Variants in PLXNA2 observed in about 807,000 individuals in gnomAD.
PLXNA2 encodes the protein plexin A2.
PLXNA2 carries 91 observed loss-of-function variants against 193.5 expected under a neutral mutation model. The observed-to-expected ratio is 0.47, with a 90% CI of 0.40 to 0.56. The LOEUF is 0.56. PLXNA2 is among the 20% of genes least tolerant of loss of function. The pLI is 0.00. For synonymous variants in PLXNA2, 997 were observed against 1,027.3 expected (o/e 0.97, Z 0.56); for missense variants, 1,995 against 2,503.2 (o/e 0.80, Z 4.33).
chr1:208,185,022 C>T (rs570356032), intron 3 of PLXNA2, among the ~76,000 whole-genome samples: 2 of 152,328 alleles, frequency 1.3e-5, no homozygotes, highest in African/African-American at 2.4e-5. Context: ...GCACTCAGCC[C>T]TCCCATCAGC....
rs1672150996 is a variant in PLXNA2 at position 208,243,995 on chromosome 1, T to A, written c.-433A>T. 1 of 152,274 alleles carries A rather than the reference T, an allele frequency of 6.6e-6. No homozygotes were observed. The highest frequency in any genetic ancestry group is 6.5e-5 in the Admixed American group (1 of 15,288). The allele number at this position is 152,274 out of a possible 1,614,324, so 9.4% of individuals were successfully genotyped here. ...CCTGAGGAAGAAGCAGAGCCCCGGC[T>A]GTCTTCAGATTTTTCCAGCGCGACT... On this transcript the variant is annotated 5_prime_UTR_variant, in exon 1 of 32. Coordinates refer to ENST00000367033, the MANE Select transcript of PLXNA2 (RefSeq NM_025179.4).
intron 1 of PLXNA2, among the ~76,000 whole-genome samples, chr1:208,227,711 T>C (rs1349351794): frequency 6.6e-6 from 1 of 152,148 alleles, no homozygotes; most frequent in Non-Finnish European, 1.5e-5. Context: ...GGGTGTTTTG[T>C]GGCAGGAGCT....
At chr1:208,031,486 C>G (rs564601414) in intron 29 of PLXNA2, 104 bp downstream of exon 29, 17 of 1,458,352 alleles carry the variant, frequency 1.2e-5, no homozygotes, top group Non-Finnish European at 9.5e-7. Flanking sequence ...CCAGCCCCAG[C>G]CGAGAATAGG....
chr1:208,211,656 G>A (rs562801965), intron 2 of PLXNA2, among the ~76,000 whole-genome samples: 1 of 148,298 alleles, frequency 6.7e-6, no homozygotes, highest in South Asian at 2.1e-4. Flanking sequence ...TTGCGCCACT[G>A]CACTCCAGCC....
intron 4 of PLXNA2, among the ~76,000 whole-genome samples, chr1:208,122,006 G>A (rs1315691585): frequency 1.3e-5 from 2 of 152,112 alleles, no homozygotes; most frequent in African/African-American, 4.8e-5. Flanking sequence ...ACCCCCACCT[G>A]CACACAACTG....
Position 208,038,389 on chromosome 1 carries a change from G to C in PLXNA2, c.4746C>G (p.Asn1582Lys). 1 of 1,612,606 alleles carries C rather than the reference G, an allele frequency of 6.2e-7. No homozygotes were observed. Among genetic ancestry groups the C allele is most frequent in the South Asian group, 1.1e-5 (1 of 91,058 alleles). Residue 1582 changes from asparagine (N) to lysine (K), a missense_variant, in exon 26 of 32, where the codon AAC becomes AAG. Physicochemically the swap from Asn to Lys is moderately conservative, Grantham distance 94. Coordinates refer to ENST00000367033, the MANE Select transcript of PLXNA2 (RefSeq NM_025179.4). The surrounding 1 kb of genome is among the most constrained non-coding windows in gnomAD (Gnocchi z 4.1). ...TKIEGDWKRL[N>K]TLMHYQVSDR... ...CTCTCACCTGATAATGCATCAGTGT[G>C]TTGAGCCGCTTCCAGTCACCCTCAA...
chr1:208,090,241 G>A (rs1366921295), intron 9 of PLXNA2, among the ~76,000 whole-genome samples: 4 of 152,088 alleles, frequency 2.6e-5, no homozygotes, highest in South Asian at 2.1e-4. Flanking sequence ...GAGAGCAGCC[G>A]TACACCATTC....
In PLXNA2 at chr1:208,026,663, T is replaced by TC. The variant is rs1171814927; in HGVS notation, c.*579_*580insG. 1 of 151,908 alleles carries TC rather than the reference T, an allele frequency of 6.6e-6. No homozygotes were observed. Among genetic ancestry groups the TC allele is most frequent in the African/African-American group, 2.4e-5 (1 of 41,292 alleles). 9.4% of individuals were successfully genotyped at this position (151,908 alleles called of 1,614,324 possible). A position where few individuals can be genotyped will look rare whatever the true frequency, so the allele number is the denominator to read the frequency against. On this transcript the variant is annotated 3_prime_UTR_variant, in exon 32 of 32. Transcript: ENST00000367033. Reference sequence around the variant, plus strand: ...CTTCTCCTCTTTCTCTTTTTTTTTTTTTTTTTAATTTCAAGGAAAAGGAGA... The same window carrying TC: ...CTTCTCCTCTTTCTCTTTTTTTTTTTCTTTTTTAATTTCAAGGAAAAGGAGA...
intron 12 of PLXNA2, among the ~76,000 whole-genome samples, chr1:208,075,864 G>A (rs534332786): frequency 1.1e-4 from 16 of 152,140 alleles, no homozygotes; most frequent in African/African-American, 3.9e-4. Flanking sequence ...TTTGAGACCA[G>A]CCTGGCCAAC....
chr1:208,200,120 A>G (rs1354990925), intron 3 of PLXNA2, among the ~76,000 whole-genome samples: 1 of 152,200 alleles, frequency 6.6e-6, no homozygotes, highest in Non-Finnish European at 1.5e-5. Context: ...AGCCTTTGCC[A>G]TAGAAACCAT....
chr1:208,225,514 T>A (rs1185998256), intron 1 of PLXNA2, among the ~76,000 whole-genome samples: 1 of 152,176 alleles, frequency 6.6e-6, no homozygotes, highest in African/African-American at 2.4e-5. Flanking sequence ...GGTTTCATGA[T>A]GCTAGCCAGG....
intron 12 of PLXNA2, among the ~76,000 whole-genome samples, chr1:208,063,813 G>T (rs1665693834): frequency 6.6e-6 from 1 of 152,154 alleles, no homozygotes; most frequent in Admixed American, 6.5e-5. Context: ...ATGAAGTGGT[G>T]ATTATTTGAT....
At chr1:208,165,213 C>T (rs1463387255) in intron 3 of PLXNA2, among the ~76,000 whole-genome samples, 7 of 152,220 alleles carry the variant, frequency 4.6e-5, no homozygotes, top group Admixed American at 4.6e-4. Context: ...CTGGTGGGTG[C>T]ACCCAAGCCC....
At chr1:208,037,856 T>C (rs1440481996) in intron 26 of PLXNA2, among the ~76,000 whole-genome samples, 5 of 152,046 alleles carry the variant, frequency 3.3e-5, no homozygotes, top group Non-Finnish European at 7.4e-5. Context: ...ATTTTACACA[T>C]GAGAGACAAG....
At chr1:208,150,456 G>C (rs140613128) in intron 3 of PLXNA2, among the ~76,000 whole-genome samples, 5 of 152,238 alleles carry the variant, frequency 3.3e-5, no homozygotes, top group Non-Finnish European at 7.4e-5. Context: ...AGTCCCCAGA[G>C]GACTCACTTG....
In PLXNA2 at chr1:208,038,514, A is replaced by T; in HGVS notation, c.4661-40T>A. 1 of 1,490,816 alleles carries T rather than the reference A, an allele frequency of 6.7e-7. No homozygotes were observed. The highest frequency in any genetic ancestry group is 9.4e-7 in the Non-Finnish European group (1 of 1,067,818). 92.3% of individuals were successfully genotyped at this position (1,490,816 alleles called of 1,614,324 possible). Reference sequence around the variant, plus strand: ...TGGTGCAGGGAGCGGCGTGAGAGGGATGAGGGCTGTGAGCCAGTGTCTCCC... The same window carrying T: ...TGGTGCAGGGAGCGGCGTGAGAGGGTTGAGGGCTGTGAGCCAGTGTCTCCC... On this transcript the variant is annotated intron_variant, in intron 25 of 31. Transcript: ENST00000367033. This position sits in a 1 kb window ranked among gnomAD's most constrained non-coding sequence, Gnocchi z 4.1.
chr1:208,032,927 C>G (rs1479308067), intron 28 of PLXNA2, among the ~76,000 whole-genome samples: 1 of 152,150 alleles, frequency 6.6e-6, no homozygotes, highest in Non-Finnish European at 1.5e-5. Flanking sequence ...TCAAGAAGTA[C>G]GCAGAAAGCA....
intron 4 of PLXNA2, among the ~76,000 whole-genome samples, chr1:208,116,253 C>T (rs1005736664): frequency 2.0e-5 from 3 of 152,228 alleles, no homozygotes; most frequent in African/African-American, 7.2e-5. Context: ...GCCCAATTGG[C>T]ATGAGTCTAA....
Position 208,096,712 on chromosome 1 carries a change from A to T in PLXNA2, c.1885+18T>A. On this transcript the variant is annotated intron_variant, in intron 7 of 31. Coordinates refer to ENST00000367033, the MANE Select transcript of PLXNA2 (RefSeq NM_025179.4). The stretch of plus-strand genomic sequence containing the variant: ...GAGAAGCCCCTCATTTGTGGCTCTC[A>T]TGGCAGATATTTCTTACCTTGATCC... 6.2e-7 allele frequency: 1 copy of T among 1,613,742 alleles called. No homozygotes were observed. Among genetic ancestry groups the T allele is most frequent in the Non-Finnish European group, 8.5e-7 (1 of 1,179,766 alleles).
Sources: allele counts gnomAD v4.1 joint callset (sites outside exome capture counted in the v4.1 genomes callset), GRCh38; gene constraint gnomAD v4.1.1; non-coding constraint Gnocchi (gnomAD v3.1); transcripts MANE v1.5; gene names NCBI Gene and HGNC (gene_info 2026-07-23, HGNC 2026-07-21).